FBXO34: variants seen among roughly 807,000 people sequenced by gnomAD.
The protein encoded by FBXO34 is F-box only protein 34.
In FBXO34, 12 loss-of-function variants were observed where a neutral mutation model predicts 24.5. The observed-to-expected ratio is 0.49, with a 90% confidence interval of 0.31 to 0.79. FBXO34 has a LOEUF of 0.79. Among genes scored for constraint, FBXO34 ranks in the 30% least tolerant of loss-of-function variants. The pLI is 0.04. For missense variants in FBXO34, 823 were observed against 857.7 expected (o/e 0.96, Z 0.51); for synonymous variants, 320 against 311.9 (o/e 1.03, Z -0.27).
the FBXO34 span, among the ~76,000 whole-genome samples, chr14:55,379,740 G>A: frequency 6.6e-6 from 1 of 152,098 alleles, no homozygotes; most frequent in African/African-American, 2.4e-5. Flanking sequence ...ATTTATTTTT[G>A]AGACGAAGTC....
intron 1 of FBXO34, among the ~76,000 whole-genome samples, chr14:55,274,337 C>T (rs1218825303): frequency 6.6e-6 from 1 of 152,166 alleles, no homozygotes; most frequent in East Asian, 1.9e-4. Flanking sequence ...AAAAAGCCAG[C>T]TTGTGAGTGT....
the FBXO34 span, among the ~76,000 whole-genome samples, chr14:55,381,514 T>C: frequency 6.6e-6 from 1 of 152,216 alleles, no homozygotes; most frequent in South Asian, 2.1e-4. Context: ...CATCAAGTGA[T>C]GAATGAATAA....
intron 1 of FBXO34, among the ~76,000 whole-genome samples, chr14:55,312,160 A>G (rs1882765202): frequency 6.6e-6 from 1 of 152,000 alleles, no homozygotes; most frequent in South Asian, 2.1e-4. Flanking sequence ...AGATCACACC[A>G]CTGCACTCCA....
At chr14:55,317,347 G>C (rs894435711) in intron 1 of FBXO34, among the ~76,000 whole-genome samples, 1 of 152,102 alleles carries the variant, frequency 6.6e-6, no homozygotes, top group South Asian at 2.1e-4. Flanking sequence ...AGGCGAGGTC[G>C]TGCATGCCTG....
downstream of FBXO34, among the ~76,000 whole-genome samples, chr14:55,371,810 CA>C (rs1566576589): frequency 6.6e-6 from 1 of 150,566 alleles, no homozygotes; most frequent in East Asian, 2.0e-4. Context: ...TCTCAAAAAA[CA>C]AACAAAAAAA....
the FBXO34 span, chr14:55,395,290 C>T: frequency 6.9e-6 from 2 of 290,558 alleles, no homozygotes; most frequent in South Asian, 6.9e-5. Flanking sequence ...CATCTAGAGC[C>T]TCAGCAAAGC....
chr14:55,295,580 G>T (rs1489277065), intron 1 of FBXO34, among the ~76,000 whole-genome samples: 2 of 151,964 alleles, frequency 1.3e-5, no homozygotes, highest in Non-Finnish European at 2.9e-5. Context: ...ATTTTTAGTA[G>T]AGACGGGGTT....
intron 1 of FBXO34, among the ~76,000 whole-genome samples, chr14:55,297,545 C>T (rs1054658986): frequency 1.3e-5 from 2 of 152,118 alleles, no homozygotes; most frequent in Admixed American, 6.5e-5. Flanking sequence ...TTTCCTTTCT[C>T]TTTGCCAGCA....
intron 1 of FBXO34, among the ~76,000 whole-genome samples, chr14:55,284,621 CTTTTTTT>C (rs60464365): frequency 1.6e-5 from 2 of 126,402 alleles, no homozygotes; most frequent in East Asian, 2.1e-4. Flanking sequence ...AATTTTGTTA[CTTTTTTT>C]TTTTTTTTTT....
At chr14:55,393,913 TATTA>T in the FBXO34 span, among the ~76,000 whole-genome samples, 3 of 152,134 alleles carry the variant, frequency 2.0e-5, no homozygotes, top group Non-Finnish European at 4.4e-5. Context: ...TATCCTAGTT[TATTA>T]TTTTTTTCCA....
chr14:55,338,048 C>CTTTTTTTTTTTTTT lies in FBXO34; in HGVS notation c.-10-12327_-10-12314dup, dbSNP rs58194693. On this transcript the variant is annotated intron_variant, in intron 1 of 1. Transcript: ENST00000313833. ...CAATTGGAGATAAGAGTATGTACTT[C>CTTTTTTTTTTTTTT]TTTTTTTTTTTTTTTTTTTGAGATG... 5.5e-3 allele frequency among the ~76,000 whole-genome samples: 486 copies of CTTTTTTTTTTTTTT among 88,218 alleles called. 90 individuals are homozygous for CTTTTTTTTTTTTTT. The highest frequency in any genetic ancestry group is 0.018 in the African/African-American group (366 of 20,776). The allele number at this position is 88,218 out of a possible 152,430, so 57.9% of individuals were successfully genotyped here. A position where few individuals can be genotyped will look rare whatever the true frequency, so the allele number is the denominator to read the frequency against.
intron 3 of FBXO34, among the ~76,000 whole-genome samples, chr14:55,359,346 C>T (rs1389227766): frequency 6.6e-6 from 1 of 152,168 alleles, no homozygotes; most frequent in Non-Finnish European, 1.5e-5. Flanking sequence ...GTTCACCAGG[C>T]TCTAGATAAA....
At chr14:55,336,624 G>C (rs1161544156) in intron 1 of FBXO34, among the ~76,000 whole-genome samples, 1 of 152,066 alleles carries the variant, frequency 6.6e-6, no homozygotes, top group Non-Finnish European at 1.5e-5. Flanking sequence ...CCCCCACTTA[G>C]CCATCATGCA....
chr14:55,353,198 G>A lies in FBXO34; in HGVS notation c.*672G>A, dbSNP rs970149288. The A allele has an allele frequency of 1.2e-5, 2 of 166,922 alleles. No homozygotes were observed. Among genetic ancestry groups the A allele is most frequent in the African/African-American group, 4.8e-5 (2 of 41,378 alleles). 10.3% of individuals were successfully genotyped at this position (166,922 alleles called of 1,614,324 possible). On this transcript the variant is annotated 3_prime_UTR_variant, in exon 2 of 2. Transcript: ENST00000313833. The stretch of plus-strand genomic sequence containing the variant: ...CTGTGAATAGCACGATTAAAATCCA[G>A]TTGTATATAATGGACAGCTAACGGA...
At chr14:55,301,248 G>A (rs925204811) in intron 1 of FBXO34, among the ~76,000 whole-genome samples, 3 of 152,104 alleles carry the variant, frequency 2.0e-5, no homozygotes. Flanking sequence ...ACCAGCCTGG[G>A]CAACACAGTG....
chr14:55,295,385 C>CTTTT (rs1341367204), intron 1 of FBXO34, among the ~76,000 whole-genome samples: 6 of 114,118 alleles, frequency 5.3e-5, no homozygotes, highest in East Asian at 2.4e-4. Context: ...ATATTCTTTT[C>CTTTT]TATTTTTTTT....
At chr14:55,284,202 T>C (rs1348242752) in intron 1 of FBXO34, among the ~76,000 whole-genome samples, 2 of 151,954 alleles carry the variant, frequency 1.3e-5, no homozygotes, top group Non-Finnish European at 2.9e-5. Context: ...GGGTATAAAA[T>C]TTTTTTACAC....
chr14:55,311,702 G>C (rs888391420), intron 1 of FBXO34, among the ~76,000 whole-genome samples: 2 of 152,124 alleles, frequency 1.3e-5, no homozygotes, highest in African/African-American at 4.8e-5. Context: ...ATCTGGCTGG[G>C]CAGTCATTAA....
chr14:55,365,710 AC>A (rs1884663267), downstream of FBXO34, among the ~76,000 whole-genome samples: 1 of 152,160 alleles, frequency 6.6e-6, no homozygotes, highest in East Asian at 1.9e-4. Flanking sequence ...CAAAGCACAC[AC>A]CCTGTTCGAG....
Sources: gnomAD v4.1 joint callset for allele counts (sites outside exome capture counted in the v4.1 genomes callset) on GRCh38, gnomAD v4.1.1 for gene constraint, MANE v1.5 for transcripts, NCBI Gene and HGNC (gene_info 2026-07-23, HGNC 2026-07-21) for gene names.